PAX5: variants seen among roughly 807,000 people sequenced by gnomAD.
PAX5 encodes paired box 5.
In PAX5, 9 loss-of-function variants were observed where a neutral mutation model predicts 43.7. The observed-to-expected ratio is 0.21, with a 90% CI of 0.12 to 0.36. PAX5 has a LOEUF of 0.36. PAX5 is among the 10% of genes least tolerant of loss of function. PAX5 has a pLI of 1.00. For missense variants in PAX5, 383 were observed against 532.7 expected, an observed-to-expected ratio of 0.72 and a Z score of 2.77; for synonymous variants, 228 against 214.3, an observed-to-expected ratio of 1.06 and a Z score of -0.56.
In PAX5 at chr9:36,882,160, A is replaced by G. The variant is rs1826488117; in HGVS notation, c.911-55T>C. ...TGAGCATCTTCGCGGCCAGCCGCTC[A>G]TGTCCACAGCTCCCTGGACGCTTCT... is the stretch of plus-strand genomic sequence containing the variant. On this transcript the variant is annotated intron_variant, in intron 7 of 9. Transcript: ENST00000358127. The surrounding 1 kb of genome is among the most constrained non-coding windows in gnomAD (Gnocchi z 4.4). 7.1e-7 allele frequency: 1 copy of G among 1,399,322 alleles called. No individual in the cohort carries two copies. The highest frequency in any genetic ancestry group is 9.8e-7 in the Non-Finnish European group (1 of 1,018,276). The allele number at this position is 1,399,322 out of a possible 1,614,324, so 86.7% of individuals were successfully genotyped here.
Position 36,861,448 on chromosome 9 carries a change from A to T in PAX5, c.1013-14519T>A, listed in dbSNP as rs1004418833. On this transcript the variant is annotated intron_variant, in intron 8 of 9. Coordinates refer to ENST00000358127, the MANE Select transcript of PAX5 (RefSeq NM_016734.3). Reference sequence around the variant, plus strand: ...GACAAGTAAAAACAAAGCGTCCGGCATGCTAGATAATGATGGGTGCTAAAG... The same window carrying T: ...GACAAGTAAAAACAAAGCGTCCGGCTTGCTAGATAATGATGGGTGCTAAAG... 7 of 149,180 alleles carry T rather than the reference A, an allele frequency of 4.7e-5. No individual in the cohort carries two copies. The Admixed American group carries it at 4.7e-4, about 10-fold the overall frequency. 9.2% of individuals were successfully genotyped at this position (149,180 alleles called of 1,614,324 possible).
chr9:36,861,541 G>A (rs76168912), intron 8 of PAX5, among the ~76,000 whole-genome samples: 2,819 of 151,438 alleles, frequency 0.019, 63 homozygotes, highest in African/African-American at 0.052. Context: ...TGGAGTGACC[G>A]GGGATGACTC....
intron 7 of PAX5, among the ~76,000 whole-genome samples, chr9:36,892,279 TCA>T (rs2131819743): frequency 6.6e-6 from 1 of 152,326 alleles, no homozygotes; most frequent in African/African-American, 2.4e-5. Context: ...ATTCATTCGT[TCA>T]CTCATTCATG....
At chr9:36,965,908 C>A (rs1413308381) in intron 6 of PAX5, among the ~76,000 whole-genome samples, 1 of 152,212 alleles carries the variant, frequency 6.6e-6, no homozygotes, top group Non-Finnish European at 1.5e-5. Flanking sequence ...GCCTCGTGAT[C>A]TCATCTCTAT....
chr9:36,835,976 G>A lies in PAX5; in HGVS notation c.*4584C>T, dbSNP rs1228644258. The A allele has an allele frequency of 5.6e-5, 13 of 233,456 alleles. No homozygotes were observed. In the East Asian group the frequency reaches 7.8e-4, roughly 14 times the overall value. The allele number at this position is 233,456 out of a possible 1,614,324, so 14.5% of individuals were successfully genotyped here. On this transcript the variant is annotated 3_prime_UTR_variant, in exon 10 of 10. Coordinates refer to ENST00000358127, the MANE Select transcript of PAX5 (RefSeq NM_016734.3). ...ATCGTGTTTCTAGGGCTGTGTCAGG[G>A]TGCTTGGTTGGTTTTTAAGATTTGC...
intron 6 of PAX5, among the ~76,000 whole-genome samples, chr9:36,934,504 G>C (rs772955054): frequency 3.3e-5 from 5 of 152,208 alleles, no homozygotes; most frequent in African/African-American, 4.8e-5. Context: ...GGGTGTATAG[G>C]AGTCCTCGGT....
At chr9:36,857,087 G>C (rs751074644) in intron 8 of PAX5, among the ~76,000 whole-genome samples, 1 of 152,178 alleles carries the variant, frequency 6.6e-6, no homozygotes, top group Non-Finnish European at 1.5e-5. Flanking sequence ...AACTCACTAG[G>C]TTCTCGTGTG....
In PAX5 at chr9:36,837,366, C is replaced by G. The variant is rs1821713760; in HGVS notation, c.*3194G>C. 4.3e-6 allele frequency: 1 copy of G among 233,262 alleles called. No individual in the cohort carries two copies. The highest frequency in any genetic ancestry group is 2.2e-5 in the African/African-American group (1 of 45,468). The allele number at this position is 233,262 out of a possible 1,614,324, so 14.4% of individuals were successfully genotyped here. On this transcript the variant is annotated 3_prime_UTR_variant, in exon 10 of 10. Coordinates refer to ENST00000358127, the MANE Select transcript of PAX5 (RefSeq NM_016734.3). ...AGGGATGTTGGGTTTGATATATCAT[C>G]CAATTTTTCTAGGTTGGAGCTAGAC...
chr9:37,031,594 G>C (rs975731083), intron 1 of PAX5, among the ~76,000 whole-genome samples: 1 of 152,114 alleles, frequency 6.6e-6, no homozygotes, highest in African/African-American at 2.4e-5. Context: ...CTCCCAGCAG[G>C]AACAGGAGGT....
At chr9:37,026,412 A>C (rs1588269003) in intron 1 of PAX5, 1 of 893,530 alleles carries the variant, frequency 1.1e-6, no homozygotes, top group East Asian at 4.9e-5. Flanking sequence ...CACTTTGCAA[A>C]GTTAGCTGCG....
At position 36,897,203 on chromosome 9, in the gene PAX5, G is replaced by A. The variant is rs182023626; in HGVS notation, c.911-15098C>T. 7.9e-4 allele frequency among the ~76,000 whole-genome samples: 120 copies of A among 152,336 alleles called. 1 individual carries two copies. Among genetic ancestry groups the A allele is most frequent in the Non-Finnish European group, 1.6e-4 (11 of 68,032 alleles). ...CAGGCAGCAGCTGTGGGTAAGGTGT[G>A]AGGGCTGTGGGCCCAGAGGTAGGAA... On this transcript the variant is annotated intron_variant, in intron 7 of 9. Transcript: ENST00000358127.
chr9:37,002,608 T>A (rs1361120669), intron 5 of PAX5, 40 bp downstream of exon 5: 1 of 1,589,218 alleles, frequency 6.3e-7, no homozygotes, highest in East Asian at 2.3e-5. Flanking sequence ...ACAGACCCCG[T>A]GGAGCGCATC....
intron 1 of PAX5, among the ~76,000 whole-genome samples, chr9:37,023,639 CCT>C (rs113731534): frequency 0.028 from 4,265 of 152,162 alleles, 188 homozygotes; most frequent in African/African-American, 0.093. Context: ...CTCCTCAGGC[CCT>C]GATAAGGTCA....
intron 8 of PAX5, among the ~76,000 whole-genome samples, chr9:36,880,673 A>C (rs1413673358): frequency 6.6e-6 from 1 of 152,172 alleles, no homozygotes; most frequent in Non-Finnish European, 1.5e-5. Flanking sequence ...AGCAATTCTC[A>C]TGCCTTAGCC....
intron 6 of PAX5, among the ~76,000 whole-genome samples, chr9:36,954,977 A>G (rs1049793940): frequency 2.0e-5 from 3 of 152,142 alleles, no homozygotes; most frequent in African/African-American, 4.8e-5. Flanking sequence ...GTAATTTTCT[A>G]TTCAGCTATG....
At chr9:36,952,326 G>A (rs1309111414) in intron 6 of PAX5, among the ~76,000 whole-genome samples, 2 of 125,094 alleles carry the variant, frequency 1.6e-5, no homozygotes, top group Non-Finnish European at 3.2e-5. Context: ...TGCAACCTCC[G>A]CCTCCCAAGT....
chr9:36,849,150 C>T (rs1053795066), intron 8 of PAX5, among the ~76,000 whole-genome samples: 2 of 152,186 alleles, frequency 1.3e-5, no homozygotes, highest in African/African-American at 2.4e-5. Flanking sequence ...CCTGCAGGTC[C>T]GTTGGATTCC....
At chr9:36,846,806 G>A (rs1822622561) in intron 9 of PAX5, 37 bp downstream of exon 9, 2 of 1,485,248 alleles carry the variant, frequency 1.3e-6, no homozygotes, top group Non-Finnish European at 1.9e-6. Context: ...GGTAGCTGAT[G>A]GCCCAAGGGC....
At chr9:36,990,417 G>A (rs748716134) in intron 5 of PAX5, among the ~76,000 whole-genome samples, 2 of 152,218 alleles carry the variant, frequency 1.3e-5, no homozygotes, top group Non-Finnish European at 2.9e-5. Flanking sequence ...AAAGAGGAGA[G>A]TGGAGAGGGC....
Sources: gnomAD v4.1 joint callset for allele counts (sites outside exome capture counted in the v4.1 genomes callset) on GRCh38, gnomAD v4.1.1 for gene constraint, Gnocchi (gnomAD v3.1) non-coding constraint, MANE v1.5 for transcripts, NCBI Gene and HGNC (gene_info 2026-07-23, HGNC 2026-07-21) for gene names.